Variants in KIAA1549L observed in about 807,000 individuals in gnomAD.
KIAA1549L encodes the protein UPF0606 protein KIAA1549L.
KIAA1549L carries 88 observed loss-of-function variants against 160.7 expected under a neutral mutation model. That is an observed-to-expected ratio of 0.55 (90% CI 0.46 to 0.65). The LOEUF (loss-of-function observed/expected upper bound fraction) is 0.65, where lower values mean the gene tolerates loss of function less well. Among genes scored for constraint, KIAA1549L ranks in the 30% least tolerant of loss-of-function variants. The pLI is 0.00. For missense variants in KIAA1549L, 2,258 were observed against 2,437.5 expected (o/e 0.93, Z 1.55); for synonymous variants, 950 against 976.7 (o/e 0.97, Z 0.51).
chr11:33,461,165 T>C (rs1179446009), intron 1 of KIAA1549L, among the ~76,000 whole-genome samples: 1 of 151,592 alleles, frequency 6.6e-6, no homozygotes, highest in Non-Finnish European at 1.5e-5. Context: ...TTTTTTTCTT[T>C]GTAACAAAAA....
intron 8 of KIAA1549L, among the ~76,000 whole-genome samples, chr11:33,566,685 C>T (rs537235424): frequency 1.3e-5 from 2 of 152,286 alleles, no homozygotes; most frequent in South Asian, 2.1e-4. Context: ...TATCTGTTGT[C>T]GCCGGTTATC....
chr11:33,601,062 A>G (rs1352600806), intron 13 of KIAA1549L, among the ~76,000 whole-genome samples: 1 of 152,302 alleles, frequency 6.6e-6, no homozygotes, highest in East Asian at 1.9e-4. Flanking sequence ...CTATTTAAAT[A>G]TAAGGCTTAG....
chr11:33,548,582 T>C (rs2746547), intron 4 of KIAA1549L, among the ~76,000 whole-genome samples: 105,547 of 152,108 alleles, frequency 0.69, 37,295 homozygotes, highest in African/African-American at 0.84. Context: ...TTAAAAATTA[T>C]CCTGACTTGT....
intron 8 of KIAA1549L, among the ~76,000 whole-genome samples, chr11:33,563,392 G>A (rs1056517230): frequency 1.7e-4 from 25 of 149,276 alleles, no homozygotes; most frequent in Non-Finnish European, 3.1e-4. Flanking sequence ...GGGGACACAC[G>A]TCAGCCTGTA....
intron 16 of KIAA1549L, among the ~76,000 whole-genome samples, chr11:33,636,347 T>TTC (rs756830940): frequency 1.2e-3 from 132 of 110,818 alleles, no homozygotes; most frequent in Non-Finnish European, 2.0e-3. Context: ...ACAATGAATC[T>TTC]TCTTTTTTTT....
intron 1 of KIAA1549L, among the ~76,000 whole-genome samples, chr11:33,500,276 T>A (rs930898417): frequency 4.6e-5 from 7 of 152,224 alleles, no homozygotes; most frequent in Admixed American, 3.3e-4. Context: ...AATCTAGGAC[T>A]TTCTGGCTCT....
intron 4 of KIAA1549L, among the ~76,000 whole-genome samples, chr11:33,548,228 G>T (rs189414631): frequency 6.6e-6 from 1 of 152,168 alleles, no homozygotes; most frequent in East Asian, 1.9e-4. Flanking sequence ...ATGAAACCCC[G>T]TCTCTACTAA....
chr11:33,552,695 CACACACACAT>C (rs749335599), intron 6 of KIAA1549L, among the ~76,000 whole-genome samples: 3,219 of 106,868 alleles, frequency 0.03, 50 homozygotes, highest in East Asian at 0.056. Context: ...CACACACACA[CACACACACAT>C]GCGTTTTATA....
chr11:33,642,832 T>C (rs1252929179), intron 16 of KIAA1549L, among the ~76,000 whole-genome samples: 2 of 152,172 alleles, frequency 1.3e-5, no homozygotes, highest in African/African-American at 4.8e-5. Flanking sequence ...TGAAAAGAAA[T>C]TTAGAACTTC....
chr11:33,560,544 T>C (rs995168246), intron 7 of KIAA1549L, among the ~76,000 whole-genome samples: 1 of 152,240 alleles, frequency 6.6e-6, no homozygotes, highest in African/African-American at 2.4e-5. Context: ...TGGCCTCATC[T>C]TTTTCTAATG....
Position 33,641,415 on chromosome 11 carries a change from A to G in KIAA1549L, c.5410-4271A>G, listed in dbSNP as rs1053878775. 3.9e-5 allele frequency among the ~76,000 whole-genome samples: 6 copies of G among 152,042 alleles called. No individual in the cohort carries two copies. In the South Asian group the frequency reaches 6.2e-4, roughly 16 times the overall value. On this transcript the variant is annotated intron_variant, in intron 16 of 20. Transcript: ENST00000658780. ...TGATGTGCCAGATACTGTGGCACAT[A>G]TATAATATAAATGCTTTGTATTTAT...
chr11:33,618,444 C>T, intron 15 of KIAA1549L, 89 bp from the exon 16 acceptor site: 1 of 1,237,918 alleles, frequency 8.1e-7, no homozygotes, highest in Non-Finnish European at 1.1e-6. Flanking sequence ...AATCCAAACC[C>T]TTCATTGGTT....
rs774105743 is a variant in KIAA1549L at position 33,606,771 on chromosome 11, G to T, written c.5010G>T (p.Val1670=). 3 of 1,613,108 alleles carry T rather than the reference G, an allele frequency of 1.9e-6. No individual in the cohort carries two copies. The highest frequency in any genetic ancestry group is 2.5e-6 in the Non-Finnish European group (3 of 1,179,644). ...IAIKPTALPM[V]PPTSDRSQES... ...TAAAACCCACAGCCCTCCCCATGGT[G>T]CCCCCCACCTCGGACAGGAGCCAGG... The change falls in exon 14 of 21, where the codon GTG becomes GTT. Residue 1670 remains valine, a synonymous_variant. Coordinates refer to ENST00000658780, the MANE Select transcript of KIAA1549L (RefSeq NM_012194.3).
At chr11:33,484,892 G>T (rs1852489194) in intron 1 of KIAA1549L, among the ~76,000 whole-genome samples, 1 of 151,922 alleles carries the variant, frequency 6.6e-6, no homozygotes, top group Non-Finnish European at 1.5e-5. Flanking sequence ...TGCCCCTACT[G>T]GCCTTTAAAA....
At chr11:33,580,448 C>T (rs1013180114) in intron 10 of KIAA1549L, among the ~76,000 whole-genome samples, 2 of 151,620 alleles carry the variant, frequency 1.3e-5, no homozygotes, top group Middle Eastern at 3.4e-3. Flanking sequence ...GTGGTGGGTG[C>T]GTGTAATCCC....
At chr11:33,614,541 T>C (rs1564924594) in intron 15 of KIAA1549L, among the ~76,000 whole-genome samples, 5 of 5,652 alleles carry the variant, frequency 8.8e-4, no homozygotes, top group Admixed American at 1.6e-3. Context: ...GATATATATA[T>C]ATATATATAT....
At chr11:33,579,791 G>C (rs1011671599) in intron 10 of KIAA1549L, among the ~76,000 whole-genome samples, 1 of 152,150 alleles carries the variant, frequency 6.6e-6, no homozygotes, top group Admixed American at 6.5e-5. Context: ...GGATGGAAGA[G>C]GAAAGCAAGA....
chr11:33,407,230 G>C (rs550295568), intron 1 of KIAA1549L, among the ~76,000 whole-genome samples: 2 of 149,234 alleles, frequency 1.3e-5, no homozygotes, highest in African/African-American at 2.5e-5. Flanking sequence ...GACTACAGGC[G>C]CCTGCCACCA....
At chr11:33,462,771 C>CT (rs1851965807) in intron 1 of KIAA1549L, among the ~76,000 whole-genome samples, 1 of 146,514 alleles carries the variant, frequency 6.8e-6, no homozygotes, top group Non-Finnish European at 1.5e-5. Flanking sequence ...CTTAGCTGCA[C>CT]ATTTTTTTTT....
Sources: allele counts gnomAD v4.1 joint callset (sites outside exome capture counted in the v4.1 genomes callset), GRCh38; gene constraint gnomAD v4.1.1; transcripts MANE v1.5; gene names NCBI Gene and HGNC (gene_info 2026-07-23, HGNC 2026-07-21).